Variants in OTUD7A observed in about 807,000 individuals in gnomAD.
OTUD7A encodes the protein OTU deubiquitinase 7A.
Under a neutral mutation model 65.7 loss-of-function variants are expected in OTUD7A, and 12 were observed. The ratio of observed to expected loss-of-function variants is 0.18; its 90% CI spans 0.12 to 0.30. OTUD7A has a LOEUF of 0.30. OTUD7A is among the 10% of genes least tolerant of loss of function. The probability of loss-of-function intolerance (pLI) is 1.00; values close to 1 mark genes in which losing one functional copy is unlikely to be tolerated. For missense variants in OTUD7A, 1,148 were observed against 1,304.8 expected (o/e 0.88, Z 1.85); for synonymous variants, 641 against 586.3 (o/e 1.09, Z -1.35).
At chr15:31,844,408 A>C (rs1191153442) in intron 1 of OTUD7A, among the ~76,000 whole-genome samples, 1 of 152,266 alleles carries the variant, frequency 6.6e-6, no homozygotes, top group Non-Finnish European at 1.5e-5. Context: ...GAGGCAGGAG[A>C]ATCACTTGAA....
intron 5 of OTUD7A, among the ~76,000 whole-genome samples, chr15:31,554,878 C>T (rs1888440430): frequency 6.6e-6 from 1 of 152,194 alleles, no homozygotes; most frequent in Non-Finnish European, 1.5e-5. Flanking sequence ...GTTTCCCTTC[C>T]TCTCAGGAGG....
At chr15:31,589,259 G>C (rs1889643439) in intron 3 of OTUD7A, among the ~76,000 whole-genome samples, 2 of 151,854 alleles carry the variant, frequency 1.3e-5, no homozygotes, top group South Asian at 4.2e-4. Flanking sequence ...TCTTTAAAGA[G>C]TAGGATCAGG....
At chr15:31,720,289 T>C (rs1341119386) in intron 1 of OTUD7A, among the ~76,000 whole-genome samples, 1 of 151,898 alleles carries the variant, frequency 6.6e-6, no homozygotes, top group Non-Finnish European at 1.5e-5. Context: ...TAGATCATGA[T>C]GTTCCAGTCA....
intron 3 of OTUD7A, among the ~76,000 whole-genome samples, chr15:31,650,767 CTG>C (rs1256537851): frequency 7.3e-6 from 1 of 136,592 alleles, no homozygotes; most frequent in Non-Finnish European, 1.5e-5. Flanking sequence ...AACAGCTACT[CTG>C]AGATGAAACA....
At chr15:31,830,627 T>C (rs1244508065) in intron 1 of OTUD7A, among the ~76,000 whole-genome samples, 1 of 152,262 alleles carries the variant, frequency 6.6e-6, no homozygotes, top group African/African-American at 2.4e-5. Flanking sequence ...TAAAATTGTT[T>C]CACCCTGTTG....
chr15:31,771,105 C>G (rs955595322), intron 1 of OTUD7A, among the ~76,000 whole-genome samples: 1 of 152,160 alleles, frequency 6.6e-6, no homozygotes, highest in African/African-American at 2.4e-5. Context: ...AGAAATAAAT[C>G]TCAACTGACT....
chr15:31,810,043 G>C (rs1440119537), intron 1 of OTUD7A, among the ~76,000 whole-genome samples: 3 of 152,226 alleles, frequency 2.0e-5, no homozygotes, highest in Non-Finnish European at 4.4e-5. Context: ...CTCACAGCCA[G>C]ATCTTCTCCA....
At chr15:31,740,164 TGGA>T (rs1894301355) in intron 1 of OTUD7A, among the ~76,000 whole-genome samples, 1 of 151,982 alleles carries the variant, frequency 6.6e-6, no homozygotes, top group Non-Finnish European at 1.5e-5. Context: ...AACAAGGATG[TGGA>T]GGAGGTGAGC....
chr15:31,768,157 C>T, intron 1 of OTUD7A: 1 of 1,557,614 alleles, frequency 6.4e-7, no homozygotes, highest in Non-Finnish European at 8.9e-7. Context: ...CATTCCACAG[C>T]TTGGTGGCCC....
rs560896384 is a variant in OTUD7A, at chr15:31,860,677, G to GTGTGTATA, written c.-100+9829_-100+9830insTATACACA. Among the ~76,000 whole-genome samples, 44 of 73,278 alleles carry GTGTGTATA rather than the reference G, an allele frequency of 6.0e-4. 2 individuals carry two copies. Among genetic ancestry groups the GTGTGTATA allele is most frequent in the African/African-American group, 1.1e-3 (23 of 21,636 alleles). 48.1% of individuals were successfully genotyped at this position (73,278 alleles called of 152,430 possible). A position where few individuals can be genotyped will look rare whatever the true frequency, so the allele number is the denominator to read the frequency against. Reference sequence around the variant, plus strand: ...TGTGTGTATATATAGATGTATGTGTGTATATATATATATATATATATATGT... The same window carrying GTGTGTATA: ...TGTGTGTATATATAGATGTATGTGTGTGTGTATATATATATATATATATATATATATGT... On this transcript the variant is annotated intron_variant, in intron 1 of 12. Coordinates refer to ENST00000307050, the MANE Select transcript of OTUD7A (RefSeq NM_001382637.1).
At chr15:31,734,993 CTG>C (rs1382234720) in intron 1 of OTUD7A, among the ~76,000 whole-genome samples, 18 of 152,186 alleles carry the variant, frequency 1.2e-4, no homozygotes, top group East Asian at 1.9e-4. Context: ...TTTCGGCAAA[CTG>C]TGCATCTAAC....
At chr15:31,634,913 G>A (rs1185506814) in intron 3 of OTUD7A, among the ~76,000 whole-genome samples, 1 of 152,222 alleles carries the variant, frequency 6.6e-6, no homozygotes, top group Non-Finnish European at 1.5e-5. Flanking sequence ...TTGGGACCCT[G>A]GGGACGCAGA....
chr15:31,858,252 G>A (rs943722854), intron 1 of OTUD7A, among the ~76,000 whole-genome samples: 2 of 152,152 alleles, frequency 1.3e-5, no homozygotes, highest in Non-Finnish European at 2.9e-5. Context: ...CAAGGAGACT[G>A]AGGCGGACCA....
At chr15:31,826,271 A>G (rs1896795417) in intron 1 of OTUD7A, among the ~76,000 whole-genome samples, 3 of 152,218 alleles carry the variant, frequency 2.0e-5, no homozygotes, top group South Asian at 4.1e-4. Flanking sequence ...ATCTTTTGAA[A>G]TCTAGGTGGA....
At chr15:31,745,519 G>T (rs1346421504) in intron 1 of OTUD7A, among the ~76,000 whole-genome samples, 1 of 152,090 alleles carries the variant, frequency 6.6e-6, no homozygotes, top group East Asian at 1.9e-4. Context: ...CCTACCTAAT[G>T]CCACAAACAA....
In OTUD7A at chr15:31,487,807, T is replaced by G. The variant is rs980054068; in HGVS notation, c.1172-241A>C. 2.6e-5 allele frequency among the ~76,000 whole-genome samples: 4 copies of G among 152,196 alleles called. No homozygotes were observed. Among genetic ancestry groups the G allele is most frequent in the Admixed American group, 6.5e-5 (1 of 15,282 alleles). ...TGGACCCTGGCTCTCTTTGGGTCTG[T>G]CCAATGGCAGATACTCCATTGGGCA... On this transcript the variant is annotated intron_variant, in intron 10 of 12. Coordinates refer to ENST00000307050, the MANE Select transcript of OTUD7A (RefSeq NM_001382637.1). This position sits in a 1 kb window ranked among gnomAD's most constrained non-coding sequence, Gnocchi z 6.0.
rs2042014410 is a variant in OTUD7A at position 31,526,402 on chromosome 15, C to T, written c.840G>A (p.Leu280=). ...WEREWTELLK[L]ASSEPRTHFS... ...AGTGTGTGCGCGGCTCGCTGGAGGC[C>T]AGCTTCAGCAGCTCCGTCCACTCCC... The change falls in exon 8 of 13, where the codon CTG becomes CTA. Residue 280 remains leucine, a synonymous_variant. Transcript: ENST00000307050. The T allele has an allele frequency of 1.2e-6, 2 of 1,602,290 alleles. No individual in the cohort carries two copies. Among genetic ancestry groups the T allele is most frequent in the Admixed American group, 1.7e-5 (1 of 59,782 alleles).
chr15:31,658,418 T>C (rs1892055186), intron 1 of OTUD7A, among the ~76,000 whole-genome samples: 1 of 152,126 alleles, frequency 6.6e-6, no homozygotes, highest in Non-Finnish European at 1.5e-5. Context: ...TGGTGGGGGC[T>C]CCTGCCTTCA....
intron 5 of OTUD7A, among the ~76,000 whole-genome samples, chr15:31,546,237 C>T (rs757873520): frequency 1.3e-5 from 2 of 152,156 alleles, no homozygotes; most frequent in African/African-American, 2.4e-5. Context: ...TCATGGCTTA[C>T]CAGAAACCTG....
Sources: allele counts gnomAD v4.1 joint callset (sites outside exome capture counted in the v4.1 genomes callset), GRCh38; gene constraint gnomAD v4.1.1; non-coding constraint Gnocchi (gnomAD v3.1); transcripts MANE v1.5; gene names NCBI Gene and HGNC (gene_info 2026-07-23, HGNC 2026-07-21).